Variants in RNF180 observed in about 807,000 individuals in gnomAD.
RNF180 encodes the protein E3 ubiquitin-protein ligase RNF180.
In RNF180, 38 loss-of-function variants were observed where a neutral mutation model predicts 59.2. The ratio of observed to expected loss-of-function variants is 0.64; its 90% CI spans 0.50 to 0.84. The LOEUF (loss-of-function observed/expected upper bound fraction) is 0.84, where lower values mean the gene tolerates loss of function less well. Among genes scored for constraint, RNF180 ranks in the 40% least tolerant of loss-of-function variants. The pLI is 0.00. For missense variants in RNF180, 705 were observed against 700.9 expected (o/e 1.01, Z -0.07); for synonymous variants, 262 against 240.3 (o/e 1.09, Z -0.84).
chr5:64,238,955 CTGAGA>C (rs1191164744), intron 5 of RNF180, among the ~76,000 whole-genome samples: 4 of 152,070 alleles, frequency 2.6e-5, no homozygotes, highest in African/African-American at 9.7e-5. Flanking sequence ...TTTCATCACT[CTGAGA>C]TATTAGTTTA....
intron 1 of RNF180, among the ~76,000 whole-genome samples, chr5:64,169,415 A>AT (rs1338069810): frequency 2.0e-5 from 3 of 152,282 alleles, no homozygotes; most frequent in African/African-American, 7.2e-5. Context: ...AGTTTTTATC[A>AT]TATCAGCTGG....
chr5:64,316,285 A>T (rs1430819226), intron 5 of RNF180, among the ~76,000 whole-genome samples: 1 of 152,254 alleles, frequency 6.6e-6, no homozygotes, highest in African/African-American at 2.4e-5. Context: ...GAGTCTGTGA[A>T]TCACACTTAA....
At chr5:64,326,304 C>T (rs1311708557) in intron 6 of RNF180, among the ~76,000 whole-genome samples, 1 of 151,830 alleles carries the variant, frequency 6.6e-6, no homozygotes, top group African/African-American at 2.4e-5. Context: ...TATTGTACTA[C>T]CAGAAACTAA....
At chr5:64,273,469 C>T (rs1344881235) in intron 5 of RNF180, among the ~76,000 whole-genome samples, 2 of 151,710 alleles carry the variant, frequency 1.3e-5, no homozygotes, top group African/African-American at 4.8e-5. Context: ...CATTAAGGAA[C>T]TCCAACTTTA....
chr5:64,218,192 C>T (rs578243405), intron 5 of RNF180, among the ~76,000 whole-genome samples: 2 of 152,182 alleles, frequency 1.3e-5, no homozygotes, highest in South Asian at 2.1e-4. Flanking sequence ...AAGAACTCTG[C>T]CTCGTACTAG....
intron 5 of RNF180, among the ~76,000 whole-genome samples, chr5:64,318,479 A>C (rs1744180974): frequency 6.6e-6 from 1 of 152,190 alleles, no homozygotes; most frequent in African/African-American, 2.4e-5. Context: ...TTTTCCATTT[A>C]ATATTTTCAG....
Position 64,247,629 on chromosome 5 carries a change from A to C in RNF180, c.1227+30233A>C, listed in dbSNP as rs189297057. ...AAGAGAGGACACAAACAAATGGAAGAACATTCCATGCTTGTGGATAGGAAG... is the reference window on the plus strand; with the variant it reads ...AAGAGAGGACACAAACAAATGGAAGCACATTCCATGCTTGTGGATAGGAAG... On this transcript the variant is annotated intron_variant, in intron 5 of 7. Transcript: ENST00000389100. Among the ~76,000 whole-genome samples the C allele has an allele frequency of 4.6e-5, 7 of 152,352 alleles. No individual in the cohort carries two copies. The East Asian group carries it at 1.3e-3, about 29-fold the overall frequency.
At chr5:64,359,985 AT>A (rs1746185068) in intron 7 of RNF180, among the ~76,000 whole-genome samples, 1 of 151,866 alleles carries the variant, frequency 6.6e-6, no homozygotes, top group Non-Finnish European at 1.5e-5. Context: ...GTTCTGTTCC[AT>A]TGATCTATAT....
intron 2 of RNF180, among the ~76,000 whole-genome samples, chr5:64,205,564 G>A (rs975972484): frequency 3.9e-5 from 6 of 152,146 alleles, no homozygotes; most frequent in Non-Finnish European, 8.8e-5. Context: ...AGTTTATGTG[G>A]CCTGTAGAAT....
chr5:64,210,364 C>T (rs1369103832), intron 2 of RNF180, among the ~76,000 whole-genome samples: 2 of 152,128 alleles, frequency 1.3e-5, no homozygotes, highest in African/African-American at 2.4e-5. Flanking sequence ...TTGATACTCT[C>T]TCTCAAACTC....
chr5:64,220,004 C>T (rs766642804), intron 5 of RNF180, among the ~76,000 whole-genome samples: 3 of 152,034 alleles, frequency 2.0e-5, no homozygotes, highest in African/African-American at 7.2e-5. Flanking sequence ...TCTAAGTTGT[C>T]AAAATTACAT....
chr5:64,270,472 G>A (rs757304224), intron 5 of RNF180, among the ~76,000 whole-genome samples: 22 of 152,142 alleles, frequency 1.4e-4, no homozygotes, highest in Non-Finnish European at 3.1e-4. Flanking sequence ...TTTGCTGAAT[G>A]TGCTCATGGC....
intron 5 of RNF180, among the ~76,000 whole-genome samples, chr5:64,223,407 C>G (rs931958592): frequency 6.6e-6 from 1 of 152,200 alleles, no homozygotes; most frequent in Non-Finnish European, 1.5e-5. Flanking sequence ...AGATTAGGAC[C>G]TGGACATCTT....
At chr5:64,207,498 T>C (rs1752076449) in intron 2 of RNF180, among the ~76,000 whole-genome samples, 2 of 152,068 alleles carry the variant, frequency 1.3e-5, no homozygotes, top group Admixed American at 1.3e-4. Context: ...GAGTAGAAAG[T>C]TGGGTGTTGT....
At chr5:64,181,391 A>G (rs189332309) in intron 1 of RNF180, among the ~76,000 whole-genome samples, 319 of 152,304 alleles carry the variant, frequency 2.1e-3, no homozygotes, top group Admixed American at 5.1e-3. Context: ...TCACTTTGCC[A>G]TTTTATCCTA....
rs529043559 is a variant in RNF180, at chr5:64,210,162, A to G, written c.136-1903A>G. 2.6e-5 allele frequency among the ~76,000 whole-genome samples: 4 copies of G among 152,276 alleles called. No individual in the cohort carries two copies. In the East Asian group the frequency reaches 7.7e-4, roughly 29 times the overall value. ...GAAGATCATAAGTAGGGATTTATTT[A>G]TAGACACTCTTAGGTGTGTCCCAGG... On this transcript the variant is annotated intron_variant, in intron 2 of 7. Coordinates refer to ENST00000389100, the MANE Select transcript of RNF180 (RefSeq NM_001113561.2).
intron 7 of RNF180, among the ~76,000 whole-genome samples, chr5:64,337,060 G>A (rs1166864590): frequency 6.7e-6 from 1 of 149,858 alleles, no homozygotes; most frequent in African/African-American, 2.5e-5. Context: ...GTCTCACTCT[G>A]TTACCCAGGC....
chr5:64,313,237 A>G (rs1207134244), intron 5 of RNF180, among the ~76,000 whole-genome samples: 1 of 152,114 alleles, frequency 6.6e-6, no homozygotes, highest in African/African-American at 2.4e-5. Context: ...GTTTTGTTGT[A>G]TAGATTAATT....
chr5:64,305,835 A>G (rs1743416630), intron 5 of RNF180, among the ~76,000 whole-genome samples: 1 of 151,584 alleles, frequency 6.6e-6, no homozygotes, highest in South Asian at 2.1e-4. Context: ...TAAGAGATCT[A>G]GAATGATGGA....
Sources: allele counts gnomAD v4.1 joint callset (sites outside exome capture counted in the v4.1 genomes callset), GRCh38; gene constraint gnomAD v4.1.1; transcripts MANE v1.5; gene names NCBI Gene and HGNC (gene_info 2026-07-23, HGNC 2026-07-21).